The following EPHA3 variants were observed in gnomAD, a reference collection of about 807,000 sequenced individuals.
The protein encoded by EPHA3 is EPH receptor A3.
EPHA3 carries 42 observed loss-of-function variants against 107.1 expected under a neutral mutation model. The ratio of observed to expected loss-of-function variants is 0.39; its 90% CI spans 0.31 to 0.51. The LOEUF (loss-of-function observed/expected upper bound fraction) is 0.51. EPHA3 is among the 20% of genes least tolerant of loss of function. EPHA3 has a pLI of 0.78. For synonymous variants in EPHA3, 461 were observed against 424.8 expected (o/e 1.09, Z -1.05); for missense variants, 1,183 against 1,211.2 (o/e 0.98, Z 0.35).
At chr3:89,305,178 TG>T (rs1416872344) in intron 3 of EPHA3, among the ~76,000 whole-genome samples, 3 of 152,190 alleles carry the variant, frequency 2.0e-5, no homozygotes, top group African/African-American at 7.2e-5. Context: ...TTTTTCTTTT[TG>T]TTTTTTAACC....
chr3:89,343,848 T>TA (rs1707585958), intron 5 of EPHA3, among the ~76,000 whole-genome samples: 1 of 152,216 alleles, frequency 6.6e-6, no homozygotes, highest in Non-Finnish European at 1.5e-5. Context: ...CCAACCAGTA[T>TA]ATGCTTTGCT....
intron 5 of EPHA3, among the ~76,000 whole-genome samples, chr3:89,394,524 A>G (rs911319174): frequency 6.6e-6 from 1 of 152,218 alleles, no homozygotes; most frequent in Non-Finnish European, 1.5e-5. Flanking sequence ...AGTAGATTCT[A>G]TTTTTTGGTG....
chr3:89,472,884 A>G (rs73846187), intron 16 of EPHA3, among the ~76,000 whole-genome samples: 5,125 of 152,194 alleles, frequency 0.034, 281 homozygotes, highest in African/African-American at 0.12. Context: ...AGATCAACCA[A>G]CAGATTCACA....
chr3:89,155,994 C>T (rs1704797303), intron 2 of EPHA3, among the ~76,000 whole-genome samples: 1 of 151,950 alleles, frequency 6.6e-6, no homozygotes, highest in Admixed American at 6.6e-5. Flanking sequence ...AAAGAAATAA[C>T]AGTCTTTATG....
chr3:89,190,077 T>C (rs1705671467), intron 2 of EPHA3, among the ~76,000 whole-genome samples: 1 of 152,188 alleles, frequency 6.6e-6, no homozygotes, highest in African/African-American at 2.4e-5. Flanking sequence ...CTCAAGGTTT[T>C]ACTATTTAAC....
At chr3:89,277,040 A>G (rs1021088043) in intron 3 of EPHA3, among the ~76,000 whole-genome samples, 13 of 152,084 alleles carry the variant, frequency 8.5e-5, no homozygotes, top group African/African-American at 1.9e-4. Flanking sequence ...CACCTCCCCA[A>G]TGAAAAGCTA....
At chr3:89,221,873 C>A (rs1304881648) in intron 3 of EPHA3, among the ~76,000 whole-genome samples, 1 of 152,006 alleles carries the variant, frequency 6.6e-6, no homozygotes, top group African/African-American at 2.4e-5. Context: ...CAAGTTCCTG[C>A]TGCCAAGGGG....
intron 7 of EPHA3, chr3:89,399,861 C>A: frequency 9.3e-7 from 1 of 1,077,994 alleles, no homozygotes; most frequent in Non-Finnish European, 1.1e-6. Context: ...CTTGCTGATC[C>A]ATGAGAATCT....
chr3:89,305,348 G>A (rs1214564663), intron 3 of EPHA3, among the ~76,000 whole-genome samples: 1 of 152,090 alleles, frequency 6.6e-6, no homozygotes, highest in Non-Finnish European at 1.5e-5. Context: ...GGCAAATCAT[G>A]CCATCTGTTA....
intron 2 of EPHA3, among the ~76,000 whole-genome samples, chr3:89,133,721 C>A (rs1355079540): frequency 6.6e-6 from 1 of 152,106 alleles, no homozygotes. Flanking sequence ...TGACCAATGC[C>A]GGCTGCAGGA....
intron 5 of EPHA3, among the ~76,000 whole-genome samples, chr3:89,362,091 C>T (rs1404633747): frequency 6.6e-6 from 1 of 151,006 alleles, no homozygotes; most frequent in African/African-American, 2.4e-5. Flanking sequence ...TGTGAGATGA[C>T]CTCACTTCTG....
chr3:89,316,172 A>C (rs1706895248), intron 3 of EPHA3, among the ~76,000 whole-genome samples: 1 of 151,800 alleles, frequency 6.6e-6, no homozygotes, highest in African/African-American at 2.4e-5. Flanking sequence ...GAAAGTAGGC[A>C]CAGGAGGAGA....
In EPHA3 at chr3:89,354,963, G is replaced by T. The variant is rs911361260; in HGVS notation, c.1306+12873G>T. On this transcript the variant is annotated intron_variant, in intron 5 of 16. Coordinates refer to ENST00000336596, the MANE Select transcript of EPHA3 (RefSeq NM_005233.6). ...TGACTGCCTGGTACACAGGTGGTGT[G>T]ATTTCTTCTTTGAAATCAAAATTTC... Among the ~76,000 whole-genome samples the T allele has an allele frequency of 1.5e-4, 23 of 150,980 alleles. 1 individual carries two copies. Among genetic ancestry groups the T allele is most frequent in the African/African-American group, 5.6e-4 (23 of 41,272 alleles).
At position 89,160,546 on chromosome 3, in the gene EPHA3, TTTTGTGTGTG is replaced by T. The variant is rs1464235922; in HGVS notation, c.153+33275_153+33284del. Among the ~76,000 whole-genome samples, 362 of 90,890 alleles carry T rather than the reference TTTTGTGTGTG, an allele frequency of 4.0e-3. 2 individuals carry two copies. Among genetic ancestry groups the T allele is most frequent in the Admixed American group, 8.8e-3 (68 of 7,740 alleles). The allele number at this position is 90,890 out of a possible 152,430, so 59.6% of individuals were successfully genotyped here. On this transcript the variant is annotated intron_variant, in intron 2 of 16. Transcript: ENST00000336596. ...CAAGTCAGAGAAAAGTAATATTAGA[TTTTGTGTGTG>T]TGTGTGTGTGTGTGTGTGTGTGTGT...
chr3:89,376,287 T>A (rs114713765), intron 5 of EPHA3, among the ~76,000 whole-genome samples: 1 of 151,760 alleles, frequency 6.6e-6, no homozygotes, highest in Admixed American at 6.6e-5. Flanking sequence ...AAAGAATACA[T>A]GAATCTAATA....
chr3:89,347,345 G>A (rs1707691283), intron 5 of EPHA3, among the ~76,000 whole-genome samples: 1 of 147,856 alleles, frequency 6.8e-6, no homozygotes, highest in South Asian at 2.1e-4. Context: ...TCCCTTGTAA[G>A]TTGGATTCCT....
chr3:89,217,778 T>C (rs1704253347), intron 3 of EPHA3, among the ~76,000 whole-genome samples: 1 of 152,200 alleles, frequency 6.6e-6, no homozygotes, highest in South Asian at 2.1e-4. Context: ...AGCTGTGGCT[T>C]TTTTAACATG....
At chr3:89,422,050 A>T (rs1345683564) in intron 11 of EPHA3, among the ~76,000 whole-genome samples, 1 of 151,216 alleles carries the variant, frequency 6.6e-6, no homozygotes, top group Non-Finnish European at 1.5e-5. Context: ...GTCATCTCAT[A>T]TATTGTAAAT....
chr3:89,151,355 A>G lies in EPHA3; in HGVS notation c.153+24082A>G, dbSNP rs189700791. On this transcript the variant is annotated intron_variant, in intron 2 of 16. Transcript: ENST00000336596. Reference sequence around the variant, plus strand: ...TAAAGGAGTACATTTCCCAGCTTCTATCAAATTGAAGTGTGTCTGCATGAA... The same window carrying G: ...TAAAGGAGTACATTTCCCAGCTTCTGTCAAATTGAAGTGTGTCTGCATGAA... Among the ~76,000 whole-genome samples the G allele has an allele frequency of 1.1e-4, 16 of 152,202 alleles. No homozygotes were observed. The East Asian group carries it at 2.5e-3, about 24-fold the overall frequency.
Sources: gnomAD v4.1 joint callset for allele counts (sites outside exome capture counted in the v4.1 genomes callset) on GRCh38, gnomAD v4.1.1 for gene constraint, MANE v1.5 for transcripts, NCBI Gene and HGNC (gene_info 2026-07-23, HGNC 2026-07-21) for gene names.